Variants in RGS7BP observed in about 807,000 individuals in gnomAD.
The protein encoded by RGS7BP is regulator of G protein signaling 7-binding protein.
A neutral mutation model predicts 31.3 loss-of-function variants in RGS7BP; 9 were observed. That is an observed-to-expected ratio of 0.29 (90% CI 0.17 to 0.50). The LOEUF is 0.50. RGS7BP is among the 20% of genes least tolerant of loss of function. RGS7BP has a pLI of 0.98. For synonymous variants in RGS7BP, 115 were observed against 120.1 expected (o/e 0.96, Z 0.28); for missense variants, 274 against 322.0 (o/e 0.85, Z 1.14).
rs545578294 is a variant in RGS7BP, at chr5:64,598,530, A to T, written c.682+95A>T. 2.2e-5 allele frequency: 18 copies of T among 815,326 alleles called. No homozygotes were observed. In the South Asian group the frequency reaches 2.4e-4, roughly 11 times the overall value. The allele number at this position is 815,326 out of a possible 1,614,324, so 50.5% of individuals were successfully genotyped here. A position where few individuals can be genotyped will look rare whatever the true frequency, so the allele number is the denominator to read the frequency against. On this transcript the variant is annotated intron_variant, in intron 5 of 5. Coordinates refer to ENST00000334025, the MANE Select transcript of RGS7BP (RefSeq NM_001029875.3). ...GAAATTAAAGCATGTGTCTCACACAAACAGTAGAAGGCATTGAGCATTCAT... is the reference window on the plus strand; with the variant it reads ...GAAATTAAAGCATGTGTCTCACACATACAGTAGAAGGCATTGAGCATTCAT...
intron 3 of RGS7BP, among the ~76,000 whole-genome samples, chr5:64,587,977 C>T (rs930711268): frequency 6.6e-6 from 1 of 151,966 alleles, no homozygotes; most frequent in Non-Finnish European, 1.5e-5. Context: ...CCAGGAATGA[C>T]AAGATTTTTA....
chr5:64,554,454 A>G (rs1233932924), intron 2 of RGS7BP, among the ~76,000 whole-genome samples: 4 of 152,164 alleles, frequency 2.6e-5, no homozygotes, highest in Non-Finnish European at 2.9e-5. Flanking sequence ...TCCTGTTACA[A>G]TTCTGATTCA....
intron 2 of RGS7BP, among the ~76,000 whole-genome samples, chr5:64,555,541 A>G (rs1267021258): frequency 6.6e-6 from 1 of 152,204 alleles, no homozygotes; most frequent in Non-Finnish European, 1.5e-5. Context: ...TCTAGGGGAT[A>G]TAAATTAGAA....
chr5:64,565,657 T>A (rs10038210), intron 2 of RGS7BP, among the ~76,000 whole-genome samples: 53,908 of 151,838 alleles, frequency 0.36, 9,902 homozygotes, highest in East Asian at 0.42. Context: ...TAAAGCCACC[T>A]TGGAATTGTT....
chr5:64,561,696 TCA>T (rs1378464665), intron 2 of RGS7BP, among the ~76,000 whole-genome samples: 2 of 152,198 alleles, frequency 1.3e-5, no homozygotes, highest in Non-Finnish European at 2.9e-5. Flanking sequence ...GTTCCTAATC[TCA>T]AGTTCTTTGT....
chr5:64,574,380 G>C (rs894626641), intron 2 of RGS7BP, among the ~76,000 whole-genome samples: 2 of 151,874 alleles, frequency 1.3e-5, no homozygotes, highest in Non-Finnish European at 2.9e-5. Context: ...AGAGTGGAAG[G>C]CATCTATGGG....
At chr5:64,598,259 A>G in intron 4 of RGS7BP, 106 bp from the exon 5 acceptor site, 2 of 719,108 alleles carry the variant, frequency 2.8e-6, no homozygotes, top group South Asian at 1.6e-5. Context: ...AGCTAGTGCA[A>G]TTAGACACAG....
At chr5:64,513,228 A>T (rs6859021) in intron 2 of RGS7BP, among the ~76,000 whole-genome samples, 43,321 of 152,086 alleles carry the variant, frequency 0.28, 7,112 homozygotes, top group East Asian at 0.69. Flanking sequence ...TGTAACGAAC[A>T]TCCTAGAGGT....
intron 3 of RGS7BP, among the ~76,000 whole-genome samples, chr5:64,579,006 C>A (rs535013722): frequency 2.0e-5 from 3 of 152,274 alleles, no homozygotes; most frequent in South Asian, 4.1e-4. Flanking sequence ...TGTATAACCC[C>A]TGATCACCAT....
chr5:64,545,385 A>C (rs1741631745), intron 2 of RGS7BP, among the ~76,000 whole-genome samples: 1 of 152,166 alleles, frequency 6.6e-6, no homozygotes, highest in African/African-American at 2.4e-5. Flanking sequence ...CACGTTGTGC[A>C]CATGTACCCT....
intron 3 of RGS7BP, 81 bp downstream of exon 3, chr5:64,575,985 T>C: frequency 3.3e-6 from 4 of 1,221,366 alleles, no homozygotes; most frequent in Non-Finnish European, 4.6e-6. Context: ...GTATATACCA[T>C]ATCATATGCC....
intron 3 of RGS7BP, among the ~76,000 whole-genome samples, chr5:64,588,040 C>T (rs1742805605): frequency 6.6e-6 from 1 of 152,146 alleles, no homozygotes; most frequent in East Asian, 1.9e-4. Flanking sequence ...ATGATTAATA[C>T]TTGAAGAACA....
intron 3 of RGS7BP, among the ~76,000 whole-genome samples, chr5:64,589,491 AT>A (rs1224400393): frequency 1.3e-5 from 2 of 152,188 alleles, no homozygotes; most frequent in African/African-American, 2.4e-5. Context: ...AAAAATGTTT[AT>A]TCTGAATCTA....
At chr5:64,536,081 G>C (rs1281878966) in intron 2 of RGS7BP, among the ~76,000 whole-genome samples, 1 of 152,204 alleles carries the variant, frequency 6.6e-6, no homozygotes, top group Non-Finnish European at 1.5e-5. Context: ...GTCTTGCCCT[G>C]TGTAGCAGGA....
intron 2 of RGS7BP, among the ~76,000 whole-genome samples, chr5:64,525,919 ACAGGAAGGACAG>A (rs1561322807): frequency 1.3e-5 from 2 of 152,206 alleles, no homozygotes; most frequent in South Asian, 4.1e-4. Flanking sequence ...CATCCAGATC[ACAGGAAGGACAG>A]CAGGAAGCCC....
At chr5:64,598,922 G>A (rs1055493863) in intron 5 of RGS7BP, among the ~76,000 whole-genome samples, 2 of 152,144 alleles carry the variant, frequency 1.3e-5, no homozygotes, top group Non-Finnish European at 2.9e-5. Context: ...AGAAACTGGC[G>A]CACAGAAAGG....
chr5:64,545,947 G>C (rs1741648079), intron 2 of RGS7BP, among the ~76,000 whole-genome samples: 1 of 151,960 alleles, frequency 6.6e-6, no homozygotes, highest in Non-Finnish European at 1.5e-5. Flanking sequence ...AAAGTAACCG[G>C]GTTTGAGACC....
At chr5:64,570,760 T>C (rs1742283972) in intron 2 of RGS7BP, among the ~76,000 whole-genome samples, 1 of 152,138 alleles carries the variant, frequency 6.6e-6, no homozygotes, top group Non-Finnish European at 1.5e-5. Flanking sequence ...ATCAAATAAA[T>C]ACCCACTCCC....
intron 2 of RGS7BP, among the ~76,000 whole-genome samples, chr5:64,510,530 G>A (rs1748805687): frequency 6.6e-6 from 1 of 152,160 alleles, no homozygotes; most frequent in African/African-American, 2.4e-5. Flanking sequence ...GGTTACCTAG[G>A]ACTGGAGGCG....
Sources: gnomAD v4.1 joint callset for allele counts (sites outside exome capture counted in the v4.1 genomes callset) on GRCh38, gnomAD v4.1.1 for gene constraint, MANE v1.5 for transcripts, NCBI Gene and HGNC (gene_info 2026-07-23, HGNC 2026-07-21) for gene names.